Variants in CHODL observed in about 807,000 individuals in gnomAD.
The protein encoded by CHODL is transmembrane protein MT75.
In CHODL, 29 loss-of-function variants were observed where a neutral mutation model predicts 34.5. The observed-to-expected ratio is 0.84, with a 90% confidence interval of 0.63 to 1.15. The LOEUF is 1.15. Ranked by LOEUF, CHODL falls within the 50% of genes most tolerant of loss-of-function variation. CHODL has a pLI of 0.00. For missense variants in CHODL, 332 were observed against 332.5 expected, an observed-to-expected ratio of 1.00 and a Z score of 0.01; for synonymous variants, 125 against 116.1, an observed-to-expected ratio of 1.08 and a Z score of -0.49.
intron 2 of CHODL, among the ~76,000 whole-genome samples, chr21:18,056,457 G>A (rs576028009): frequency 6.8e-6 from 1 of 147,920 alleles, no homozygotes; most frequent in Admixed American, 6.7e-5. Context: ...ATGTGCATTG[G>A]CATGGGCCTA....
intron 1 of CHODL, among the ~76,000 whole-genome samples, chr21:17,930,373 C>T (rs193012334): frequency 7.2e-5 from 11 of 151,772 alleles, no homozygotes; most frequent in Admixed American, 2.6e-4. Context: ...AACAGGGAGA[C>T]CAGCACCTGC....
At chr21:18,111,946 C>A (rs1046979021) in intron 2 of CHODL, among the ~76,000 whole-genome samples, 4 of 152,148 alleles carry the variant, frequency 2.6e-5, no homozygotes, top group African/African-American at 9.7e-5. Flanking sequence ...CCTATCAGTG[C>A]TTCCGAAACC....
rs776438362 is a variant in CHODL at position 18,256,852 on chromosome 21, C to T, written c.389+34C>T. The T allele has an allele frequency of 5.6e-6, 9 of 1,594,282 alleles. No homozygotes were observed. In the South Asian group the frequency reaches 9.1e-5, roughly 16 times the overall value. On this transcript the variant is annotated intron_variant, in intron 2 of 5. Transcript: ENST00000299295. ...GGATCTTGAGCAGTTGGCAGGTGCT[C>T]TGGGGAACTCCAAAGATAGAGGGAG...
chr21:18,025,648 TG>T (rs1304121018), intron 1 of CHODL, among the ~76,000 whole-genome samples: 4 of 152,164 alleles, frequency 2.6e-5, no homozygotes, highest in Non-Finnish European at 2.9e-5. Context: ...TTGCTAGGGC[TG>T]CCGTAACAAA....
intron 1 of CHODL, among the ~76,000 whole-genome samples, chr21:18,011,565 C>A (rs1290253550): frequency 1.3e-5 from 2 of 152,088 alleles, no homozygotes; most frequent in Non-Finnish European, 2.9e-5. Flanking sequence ...AAATGTTTGT[C>A]TCAAATAGTT....
rs141459880 is a variant in CHODL at position 18,017,012 on chromosome 21, T to C, written c.-144-10860T>C. Among the ~76,000 whole-genome samples, 148 of 152,384 alleles carry C rather than the reference T, an allele frequency of 9.7e-4. 3 individuals carry two copies. The East Asian group carries it at 0.026, about 27-fold the overall frequency. On this transcript the variant is annotated intron_variant, in intron 1 of 6. Transcript: ENST00000400127. Reference sequence around the variant, plus strand: ...TTACTTAATGTCTGTATCCCCATTGTATCTTGGAAGTAACTAACTTGCTTT... The same window carrying C: ...TTACTTAATGTCTGTATCCCCATTGCATCTTGGAAGTAACTAACTTGCTTT...
chr21:17,926,204 G>A (rs1200171031), intron 1 of CHODL, among the ~76,000 whole-genome samples: 1 of 151,868 alleles, frequency 6.6e-6, no homozygotes, highest in African/African-American at 2.4e-5. Context: ...GTTGATATTT[G>A]TATTGCCATT....
At position 18,129,892 on chromosome 21, in the gene CHODL, C is replaced by CTCTG. The variant is rs980740596; in HGVS notation, c.-45+101922_-45+101923insCTGT. 5.0e-5 allele frequency among the ~76,000 whole-genome samples: 7 copies of CTCTG among 140,702 alleles called. No homozygotes were observed. The East Asian group carries it at 1.2e-3, about 24-fold the overall frequency. 92.3% of individuals were successfully genotyped at this position (140,702 alleles called of 152,430 possible). On this transcript the variant is annotated intron_variant, in intron 2 of 6. Transcript: ENST00000400127. ...TAGTATTCTCTCTCTCTGTCTTTCT[C>CTCTG]TGTGTGTGTGTGTGTGTGTGTGTGT...
chr21:18,159,753 C>T (rs1266365851), intron 2 of CHODL, among the ~76,000 whole-genome samples: 1 of 151,984 alleles, frequency 6.6e-6, no homozygotes, highest in African/African-American at 2.4e-5. Flanking sequence ...CCATGTGAGT[C>T]CTTAAAAATG....
At chr21:17,930,768 A>G (rs2063266016) in intron 1 of CHODL, among the ~76,000 whole-genome samples, 1 of 152,100 alleles carries the variant, frequency 6.6e-6, no homozygotes, top group Admixed American at 6.5e-5. Flanking sequence ...TGACACCACC[A>G]CAGAGGACTC....
intron 2 of CHODL, among the ~76,000 whole-genome samples, chr21:18,170,601 G>A (rs1292740605): frequency 1.3e-5 from 2 of 151,892 alleles, no homozygotes; most frequent in Non-Finnish European, 2.9e-5. Context: ...TACAATTAAC[G>A]TCTTAATTTA....
intron 1 of CHODL, among the ~76,000 whole-genome samples, chr21:17,949,171 C>A (rs2063436381): frequency 6.6e-6 from 1 of 152,096 alleles, no homozygotes; most frequent in African/African-American, 2.4e-5. Context: ...TCTTCATGTC[C>A]TTTTGTGAAC....
chr21:18,203,070 G>GT (rs558789839), intron 2 of CHODL, among the ~76,000 whole-genome samples: 7 of 152,042 alleles, frequency 4.6e-5, no homozygotes, highest in South Asian at 2.1e-4. Context: ...AAAATTCAGT[G>GT]TTTTTTTGTA....
At chr21:17,946,681 T>C (rs992351686) in intron 1 of CHODL, among the ~76,000 whole-genome samples, 6 of 152,218 alleles carry the variant, frequency 3.9e-5, no homozygotes, top group Non-Finnish European at 7.3e-5. Flanking sequence ...TTTCTTTTAA[T>C]GGTGTTTAAA....
At chr21:18,099,423 T>C (rs1366716661) in intron 2 of CHODL, among the ~76,000 whole-genome samples, 1 of 151,506 alleles carries the variant, frequency 6.6e-6, no homozygotes, top group African/African-American at 2.4e-5. Context: ...TATATTACAA[T>C]ATAAATCTTG....
intron 2 of CHODL, among the ~76,000 whole-genome samples, chr21:18,108,916 TGTG>T (rs2065312105): frequency 6.6e-6 from 1 of 151,910 alleles, no homozygotes; most frequent in East Asian, 1.9e-4. Flanking sequence ...TATCATGTAG[TGTG>T]GTGGTGGTTA....
chr21:18,184,432 A>G (rs937722939), intron 2 of CHODL, among the ~76,000 whole-genome samples: 1 of 152,234 alleles, frequency 6.6e-6, no homozygotes, highest in Non-Finnish European at 1.5e-5. Context: ...TATTAATATC[A>G]TATTTTTGAA....
rs149817553 is a variant in CHODL, at chr21:18,225,700, T to G, written c.-44-30809T>G. 5.3e-5 allele frequency among the ~76,000 whole-genome samples: 8 copies of G among 152,186 alleles called. No homozygotes were observed. The East Asian group carries it at 1.5e-3, about 29-fold the overall frequency. On this transcript the variant is annotated intron_variant, in intron 2 of 6. Transcript: ENST00000400127. The stretch of plus-strand genomic sequence containing the variant: ...ATACATATTTATTTTTTCTTACATA[T>G]GCTTATAATATATCTAAAAGAAAAC...
chr21:18,245,889 A>G, intron 1 of CHODL: 2 of 1,535,226 alleles, frequency 1.3e-6, no homozygotes, highest in Non-Finnish European at 1.7e-6. Flanking sequence ...ACTGCGTTCC[A>G]AGTTGGGGAC....
Sources: gnomAD v4.1 joint callset for allele counts (sites outside exome capture counted in the v4.1 genomes callset) on GRCh38, gnomAD v4.1.1 for gene constraint, MANE v1.5 for transcripts, NCBI Gene and HGNC (gene_info 2026-07-23, HGNC 2026-07-21) for gene names.